The following SRSF9 variants were observed in gnomAD, a reference collection of about 807,000 sequenced individuals.
SRSF9 encodes the protein serine/arginine-rich splicing factor 9.
Under a neutral mutation model 25.9 loss-of-function variants are expected in SRSF9, and 3 were observed. The observed-to-expected ratio is 0.12, with a 90% confidence interval of 0.05 to 0.30. The LOEUF (loss-of-function observed/expected upper bound fraction) is 0.30. Among genes scored for constraint, SRSF9 ranks in the 10% least tolerant of loss-of-function variants. The probability of loss-of-function intolerance (pLI) is 1.00; values close to 1 mark genes in which losing one functional copy is unlikely to be tolerated. For synonymous variants in SRSF9, 114 were observed against 113.2 expected (o/e 1.01, Z -0.05); for missense variants, 161 against 303.5 (o/e 0.53, Z 3.49).
intron 2 of SRSF9, 89 bp from the exon 3 acceptor site, chr12:120,464,211 A>G: frequency 3.5e-6 from 5 of 1,432,028 alleles, no homozygotes; most frequent in Non-Finnish European, 4.7e-6. Context: ...TCCTTTCTCC[A>G]TGATCACTTA....
rs35719401 is a variant in SRSF9, at chr12:120,466,542, CT to C, written c.189-756del. ...TGAGTGTTTTGTGATGAATGTGGAA[CT>C]TTTTTTTTTTTTGAAACGGGGTCTT... is the stretch of plus-strand genomic sequence containing the variant. On this transcript the variant is annotated intron_variant, in intron 1 of 3. Transcript: ENST00000229390. Among the ~76,000 whole-genome samples, 762 of 146,174 alleles carry C rather than the reference CT, an allele frequency of 5.2e-3. 2 individuals carry two copies. The highest frequency in any genetic ancestry group is 0.015 in the African/African-American group (609 of 40,134).
intron 1 of SRSF9, among the ~76,000 whole-genome samples, chr12:120,468,555 G>A (rs1878542104): frequency 6.6e-6 from 1 of 152,170 alleles, no homozygotes; most frequent in Non-Finnish European, 1.5e-5. Context: ...CCCCAGGTAG[G>A]TCGGACACCC....
chr12:120,464,319 G>T, intron 2 of SRSF9, 197 bp from the exon 3 acceptor site: 1 of 527,910 alleles, frequency 1.9e-6, no homozygotes, highest in Non-Finnish European at 3.2e-6. Context: ...TTGAGAAGCT[G>T]GTTTTAAGTT....
chr12:120,468,087 C>A (rs1354080745), intron 1 of SRSF9, among the ~76,000 whole-genome samples: 3 of 60,840 alleles, frequency 4.9e-5, no homozygotes, highest in African/African-American at 3.6e-4. Context: ...AGAGTGAAGA[C>A]CTGTCTCAAA....
At chr12:120,466,452 T>C (rs1304774404) in intron 1 of SRSF9, among the ~76,000 whole-genome samples, 1 of 152,042 alleles carries the variant, frequency 6.6e-6, no homozygotes, top group African/African-American at 2.4e-5. Context: ...CTGGGTAATA[T>C]AGTGAGACCC....
chr12:120,463,873 C>T, intron 3 of SRSF9, 77 bp downstream of exon 3: 1 of 1,505,258 alleles, frequency 6.6e-7, no homozygotes, highest in South Asian at 1.3e-5. Flanking sequence ...ATGGCATGGC[C>T]TCTTGCTACC....
At chr12:120,463,380 C>CAATA (rs1878406341) in intron 3 of SRSF9, 1 of 89,744 alleles carries the variant, frequency 1.1e-5, no homozygotes, top group African/African-American at 7.0e-5. Flanking sequence ...TCAGCCTCGG[C>CAATA]AATATAATGA....
intron 3 of SRSF9, chr12:120,463,423 T>C (rs1023606396): frequency 6.6e-6 from 1 of 151,960 alleles, no homozygotes; most frequent in Non-Finnish European, 1.5e-5. Context: ...TAGAGAAATA[T>C]AAAAATTATA....
At chr12:120,467,694 G>C (rs976767552) in intron 1 of SRSF9, among the ~76,000 whole-genome samples, 3 of 151,950 alleles carry the variant, frequency 2.0e-5, no homozygotes, top group Admixed American at 2.0e-4. Flanking sequence ...TTCACATCTA[G>C]TGACACCAAA....
Position 120,469,542 on chromosome 12 carries a change from G to A in SRSF9, c.68C>T (p.Thr23Ile). The A allele has an allele frequency of 6.3e-7, 1 of 1,586,994 alleles. No individual in the cohort carries two copies. Among genetic ancestry groups the A allele is most frequent in the Non-Finnish European group, 8.6e-7 (1 of 1,168,968 alleles). Residue 23 changes from threonine (T) to isoleucine (I), a missense_variant, in exon 1 of 4, where the codon ACC becomes ATC. Transcript: ENST00000229390. ...CTCCAAGTCCTTCTCGCGCACGTCG[G>A]TCGGAAGGTTCCCCACGTAGATGCG... ...DGRIYVGNLP[T>I]DVREKDLEDL...
At chr12:120,467,591 A>G (rs528181075) in intron 1 of SRSF9, among the ~76,000 whole-genome samples, 4 of 152,272 alleles carry the variant, frequency 2.6e-5, no homozygotes, top group African/African-American at 9.6e-5. Flanking sequence ...TGTTTAATCA[A>G]GTTTTTACAT....
Position 120,462,310 on chromosome 12 carries a change from A to G in SRSF9, c.523-148T>C, listed in dbSNP as rs1473874344. The G allele has an allele frequency of 1.1e-5, 8 of 756,728 alleles. No individual in the cohort carries two copies. The South Asian group carries it at 1.4e-4, about 13-fold the overall frequency. The allele number at this position is 756,728 out of a possible 1,614,324, so 46.9% of individuals were successfully genotyped here. A position where few individuals can be genotyped will look rare whatever the true frequency, so the allele number is the denominator to read the frequency against. On this transcript the variant is annotated intron_variant, in intron 3 of 3. Transcript: ENST00000229390. ...CATGAGGCTATCTCATTAAACCTTC[A>G]TAACATTATGAGGTAGGTACTCTTA...
chr12:120,463,180 A>G (rs781530298), intron 3 of SRSF9: 2 of 152,142 alleles, frequency 1.3e-5, no homozygotes, highest in Non-Finnish European at 2.9e-5. Context: ...CACCACCTCA[A>G]TCAAACTGAG....
intron 1 of SRSF9, among the ~76,000 whole-genome samples, chr12:120,468,568 C>T (rs1878542702): frequency 6.6e-6 from 1 of 152,220 alleles, no homozygotes; most frequent in Non-Finnish European, 1.5e-5. Context: ...GGACACCCTA[C>T]GAACATTCCG....
chr12:120,463,071 A>T (rs1428020411), intron 3 of SRSF9: 1 of 152,242 alleles, frequency 6.6e-6, no homozygotes, highest in Non-Finnish European at 1.5e-5. Context: ...TGTGTCCCCA[A>T]ACATCCGTAA....
chr12:120,466,525 T>C (rs1319351916), intron 1 of SRSF9, among the ~76,000 whole-genome samples: 1 of 152,074 alleles, frequency 6.6e-6, no homozygotes, highest in Non-Finnish European at 1.5e-5. Flanking sequence ...AATGAGTGTT[T>C]TGTGATGAAT....
At chr12:120,469,047 C>T (rs1455090684) in intron 1 of SRSF9, among the ~76,000 whole-genome samples, 3 of 151,684 alleles carry the variant, frequency 2.0e-5, no homozygotes, top group Non-Finnish European at 4.4e-5. Flanking sequence ...GCGGGAAGGG[C>T]GAACGGCGAC....
At chr12:120,464,148 C>T in intron 2 of SRSF9, 26 bp from the exon 3 acceptor site, 1 of 1,601,114 alleles carries the variant, frequency 6.2e-7, no homozygotes, top group Non-Finnish European at 8.5e-7. Context: ...ATAAGAAAGC[C>T]CACATCCTTC....
intron 1 of SRSF9, among the ~76,000 whole-genome samples, chr12:120,467,807 G>C (rs1878514345): frequency 1.3e-5 from 2 of 149,572 alleles, no homozygotes; most frequent in Admixed American, 1.3e-4. Flanking sequence ...CAAATCCATT[G>C]ATCCCGGCCT....
Sources: gnomAD v4.1 joint callset for allele counts (sites outside exome capture counted in the v4.1 genomes callset) on GRCh38, gnomAD v4.1.1 for gene constraint, MANE v1.5 for transcripts, NCBI Gene and HGNC (gene_info 2026-07-23, HGNC 2026-07-21) for gene names.